The following MAPK9 variants were observed in gnomAD, a reference collection of about 807,000 sequenced individuals.
MAPK9 encodes the protein Jun kinase.
MAPK9 carries 30 observed loss-of-function variants against 57.1 expected under a neutral mutation model. The observed-to-expected ratio is 0.53, with a 90% confidence interval of 0.39 to 0.71. The LOEUF (loss-of-function observed/expected upper bound fraction) is 0.71, where lower values mean the gene tolerates loss of function less well. MAPK9 is among the 30% of genes least tolerant of loss of function. MAPK9 has a pLI of 0.00. For missense variants in MAPK9, 362 were observed against 521.0 expected (o/e 0.69, Z 2.97); for synonymous variants, 155 against 177.0 (o/e 0.88, Z 0.99).
chr5:180,247,899 A>G lies in MAPK9; in HGVS notation c.617-389T>C. On this transcript the variant is annotated intron_variant, in intron 6 of 11. Coordinates refer to ENST00000452135, the MANE Select transcript of MAPK9 (RefSeq NM_002752.5). The surrounding 1 kb of genome is among the most constrained non-coding windows in gnomAD (Gnocchi z 4.5). ...GACTTTATGGAGGACCATTTCTGCC[A>G]TGATGCACCCGACAGACCAGATGTC... is the stretch of plus-strand genomic sequence containing the variant. 2 of 1,614,170 alleles carry G rather than the reference A, an allele frequency of 1.2e-6. No homozygotes were observed. Among genetic ancestry groups the G allele is most frequent in the Non-Finnish European group, 8.5e-7 (1 of 1,180,020 alleles).
Position 180,239,963 on chromosome 5 carries a change from G to A in MAPK9, c.1021C>T (p.Gln341Ter). 1 of 1,613,498 alleles carries A rather than the reference G, an allele frequency of 6.2e-7. No individual in the cohort carries two copies. Among genetic ancestry groups the A allele is most frequent in the Non-Finnish European group, 8.5e-7 (1 of 1,179,852 alleles). ...EAPPPQIYDAQLEEREHAIEE... is the reference protein window; with the variant it reads ...EAPPPQIYDA ...ATTGCATGTTCTCTTTCTTCCAACT[G>A]GGCATCATAAATTTGAGGTGGTGGC... is the stretch of plus-strand genomic sequence containing the variant. Residue 341 changes from glutamine to a stop codon, truncating the protein, a stop_gained, in exon 10 of 12, where the codon CAG (glutamine) becomes TAG (stop). Coordinates refer to ENST00000452135, the MANE Select transcript of MAPK9 (RefSeq NM_002752.5). LOFTEE classifies it high-confidence loss of function.
intron 5 of MAPK9, among the ~76,000 whole-genome samples, chr5:180,257,454 T>C (rs1759407380): frequency 6.6e-6 from 1 of 152,268 alleles, no homozygotes; most frequent in South Asian, 2.1e-4. Flanking sequence ...TAAAATCTAA[T>C]GGCAATCTGT....
chr5:180,291,360 C>T (rs1763218009), intron 1 of MAPK9, among the ~76,000 whole-genome samples: 1 of 152,298 alleles, frequency 6.6e-6, no homozygotes, highest in Admixed American at 6.5e-5. Flanking sequence ...CCAGCACGGG[C>T]CAGCACCCTG....
intron 2 of MAPK9, among the ~76,000 whole-genome samples, chr5:180,275,479 T>C (rs986546254): frequency 2.6e-5 from 4 of 152,190 alleles, no homozygotes; most frequent in Non-Finnish European, 5.9e-5. Flanking sequence ...TGGACTCTCA[T>C]CCCTGTCTCC....
chr5:180,247,656 T>A lies in MAPK9; in HGVS notation c.617-146A>T, dbSNP rs1014227170. The A allele has an allele frequency of 5.4e-6, 5 of 933,860 alleles. No individual in the cohort carries two copies. The highest frequency in any genetic ancestry group is 8.5e-6 in the Non-Finnish European group (5 of 589,228). 57.8% of individuals were successfully genotyped at this position (933,860 alleles called of 1,614,324 possible). A position where few individuals can be genotyped will look rare whatever the true frequency, so the allele number is the denominator to read the frequency against. ...TGACATTTTACACAATATGAATGAT[T>A]GCTGACCTCTATTTTAGCCTTCGGT... On this transcript the variant is annotated intron_variant, in intron 6 of 11. Coordinates refer to ENST00000452135, the MANE Select transcript of MAPK9 (RefSeq NM_002752.5). This position sits in a 1 kb window ranked among gnomAD's most constrained non-coding sequence, Gnocchi z 4.5.
At chr5:180,290,568 T>C (rs968691554) in intron 1 of MAPK9, among the ~76,000 whole-genome samples, 1 of 152,238 alleles carries the variant, frequency 6.6e-6, no homozygotes, top group Non-Finnish European at 1.5e-5. Context: ...TAAATGTCTC[T>C]TGTATGTGTG....
intron 5 of MAPK9, among the ~76,000 whole-genome samples, chr5:180,253,071 G>A (rs896621670): frequency 7.2e-5 from 11 of 152,202 alleles, no homozygotes; most frequent in Admixed American, 5.2e-4. Context: ...TGTGGTGTCT[G>A]CACCTACCCT....
intron 8 of MAPK9, 88 bp from the exon 9 acceptor site, chr5:180,241,243 A>G: frequency 8.0e-7 from 1 of 1,253,496 alleles, no homozygotes; most frequent in Non-Finnish European, 1.1e-6. Context: ...CAACACAGAT[A>G]GAACAAAGAT....
At chr5:180,276,796 G>A (rs1042238041) in intron 2 of MAPK9, among the ~76,000 whole-genome samples, 1 of 152,210 alleles carries the variant, frequency 6.6e-6, no homozygotes, top group Non-Finnish European at 1.5e-5. Context: ...GGAGGTTGCG[G>A]TGAGCCAAGA....
At position 180,236,466 on chromosome 5, in the gene MAPK9, G is replaced by C. The variant is rs1757181598; in HGVS notation, c.1193C>G (p.Ser398Cys). The change falls in exon 12 of 12, where the codon TCC becomes TGC. Residue 398 changes from serine to cysteine, a missense_variant. Coordinates refer to ENST00000452135, the MANE Select transcript of MAPK9 (RefSeq NM_002752.5). Reference protein sequence around the residue: ...SQSSSINDISSMSTEQTLASD... With the variant: ...SQSSSINDISCMSTEQTLASD... Reference sequence around the variant, plus strand: ...GGCCAGCGTCTGCTCAGTGGACATGGATGAAATGTCATTGATCGATGAAGA... The same window carrying C: ...GGCCAGCGTCTGCTCAGTGGACATGCATGAAATGTCATTGATCGATGAAGA... 6.2e-7 allele frequency: 1 copy of C among 1,613,984 alleles called. No individual in the cohort carries two copies. Among genetic ancestry groups the C allele is most frequent in the African/African-American group, 1.3e-5 (1 of 74,944 alleles).
At chr5:180,263,592 C>T (rs1344581114) in intron 4 of MAPK9, among the ~76,000 whole-genome samples, 1 of 152,170 alleles carries the variant, frequency 6.6e-6, no homozygotes, top group African/African-American at 2.4e-5. Flanking sequence ...TCTAGCCACG[C>T]CACCTCTTGA....
intron 8 of MAPK9, 66 bp downstream of exon 8, chr5:180,242,507 A>T: frequency 7.0e-7 from 1 of 1,436,538 alleles, no homozygotes; most frequent in African/African-American, 1.4e-5. Flanking sequence ...TAGAATACAA[A>T]CATGAAAGAG....
intron 5 of MAPK9, among the ~76,000 whole-genome samples, chr5:180,256,555 G>C (rs761485455): frequency 1.1e-4 from 17 of 152,214 alleles, no homozygotes; most frequent in Non-Finnish European, 2.2e-4. Context: ...AAGCAGCAGG[G>C]AACAAGGTGA....
intron 5 of MAPK9, among the ~76,000 whole-genome samples, chr5:180,251,181 G>A (rs754195362): frequency 6.6e-6 from 1 of 152,156 alleles, no homozygotes; most frequent in Non-Finnish European, 1.5e-5. Flanking sequence ...GCCACAGAGG[G>A]TGTGCAGTGG....
At chr5:180,273,258 C>A (rs1184676586) in intron 2 of MAPK9, among the ~76,000 whole-genome samples, 1 of 152,126 alleles carries the variant, frequency 6.6e-6, no homozygotes, top group Non-Finnish European at 1.5e-5. Context: ...ATATTCTGAA[C>A]AAGAGATTTT....
chr5:180,281,595 T>C (rs1762319618), intron 1 of MAPK9, among the ~76,000 whole-genome samples: 1 of 152,260 alleles, frequency 6.6e-6, no homozygotes, highest in Non-Finnish European at 1.5e-5. Flanking sequence ...TCTACAGCTC[T>C]GTCAAATCCC....
rs781400409 is a variant in MAPK9 at position 180,248,953 on chromosome 5, C to G, written c.616+20G>C. 3.8e-6 allele frequency: 6 copies of G among 1,576,330 alleles called. No individual in the cohort carries two copies. The highest frequency in any genetic ancestry group is 5.2e-6 in the Non-Finnish European group (6 of 1,161,236). On this transcript the variant is annotated intron_variant, in intron 6 of 11. Coordinates refer to ENST00000452135, the MANE Select transcript of MAPK9 (RefSeq NM_002752.5). ...CAATTTCTAAACATCCCAGCCTCTTCCAGCCCCGGCTATACTCACCGTTCT... is the reference window on the plus strand; with the variant it reads ...CAATTTCTAAACATCCCAGCCTCTTGCAGCCCCGGCTATACTCACCGTTCT...
rs116033739 is a variant in MAPK9 at position 180,247,708 on chromosome 5, A to C, written c.617-198T>G. The C allele has an allele frequency of 1.1e-3, 1,129 of 996,890 alleles. 10 individuals are homozygous for C. The African/African-American group carries it at 0.014, about 13-fold the overall frequency. 61.8% of individuals were successfully genotyped at this position (996,890 alleles called of 1,614,324 possible). A position where few individuals can be genotyped will look rare whatever the true frequency, so the allele number is the denominator to read the frequency against. On this transcript the variant is annotated intron_variant, in intron 6 of 11. Coordinates refer to ENST00000452135, the MANE Select transcript of MAPK9 (RefSeq NM_002752.5). This position sits in a 1 kb window ranked among gnomAD's most constrained non-coding sequence, Gnocchi z 4.5. Reference sequence around the variant, plus strand: ...TGTAGCAATCTGGGGTTTTAGTGCCAAAGAGTCCAATACTTTATAGCTTAA... The same window carrying C: ...TGTAGCAATCTGGGGTTTTAGTGCCCAAGAGTCCAATACTTTATAGCTTAA...
In MAPK9 at chr5:180,233,320, C is replaced by T. The variant is rs1756972177; in HGVS notation, c.*3064G>A. ...GCCACGCCTCATGAGAAAACAATTA[C>T]ACCAATACTCTGAATTGGACCTGCA... On this transcript the variant is annotated 3_prime_UTR_variant, in exon 12 of 12. Coordinates refer to ENST00000452135, the MANE Select transcript of MAPK9 (RefSeq NM_002752.5). 1 of 152,208 alleles carries T rather than the reference C, an allele frequency of 6.6e-6. No individual in the cohort carries two copies. 9.4% of individuals were successfully genotyped at this position (152,208 alleles called of 1,614,324 possible).
Sources: gnomAD v4.1 joint callset for allele counts (sites outside exome capture counted in the v4.1 genomes callset) on GRCh38, gnomAD v4.1.1 for gene constraint, Gnocchi (gnomAD v3.1) non-coding constraint, MANE v1.5 for transcripts, NCBI Gene and HGNC (gene_info 2026-07-23, HGNC 2026-07-21) for gene names.